Variants in CMTM8 observed in about 807,000 individuals in gnomAD.
The protein encoded by CMTM8 is CKLF-like MARVEL transmembrane domain-containing protein 8.
A neutral mutation model predicts 18.6 loss-of-function variants in CMTM8; 12 were observed. The observed-to-expected ratio is 0.65, with a 90% CI of 0.41 to 1.05. CMTM8 has a LOEUF of 1.05. CMTM8 is among the 50% of genes least tolerant of loss of function. The probability of loss-of-function intolerance (pLI) is 0.00; values close to 1 mark genes in which losing one functional copy is unlikely to be tolerated. For synonymous variants in CMTM8, 87 were observed against 90.6 expected (o/e 0.96, Z 0.23); for missense variants, 217 against 227.2 (o/e 0.95, Z 0.29).
chr3:32,352,554 A>G lies in CMTM8; in HGVS notation c.148-4819A>G, dbSNP rs533779076. Among the ~76,000 whole-genome samples the G allele has an allele frequency of 5.3e-5, 8 of 152,354 alleles. No individual in the cohort carries two copies. The East Asian group carries it at 9.6e-4, about 18-fold the overall frequency. On this transcript the variant is annotated intron_variant, in intron 1 of 3. Coordinates refer to ENST00000307526, the MANE Select transcript of CMTM8 (RefSeq NM_178868.5). ...GAGGAAAGAAGGAACTACCTTCGGT[A>G]TTGCAGATGACTCTCACAGTATTGA...
At chr3:32,322,334 CT>C (rs1406156956) in intron 1 of CMTM8, among the ~76,000 whole-genome samples, 1 of 151,920 alleles carries the variant, frequency 6.6e-6, no homozygotes, top group African/African-American at 2.4e-5. Context: ...TTCAAATATT[CT>C]TTAGTGGTGT....
chr3:32,332,867 C>T (rs1429571608), intron 1 of CMTM8, among the ~76,000 whole-genome samples: 1 of 152,130 alleles, frequency 6.6e-6, no homozygotes, highest in Admixed American at 6.5e-5. Flanking sequence ...GGTTTGTTGC[C>T]TTTTATCCTC....
chr3:32,332,629 C>T (rs1005471354), intron 1 of CMTM8, among the ~76,000 whole-genome samples: 3 of 152,106 alleles, frequency 2.0e-5, no homozygotes, highest in Non-Finnish European at 4.4e-5. Flanking sequence ...GTCCTTAGCA[C>T]GCTCAGCCGC....
chr3:32,339,481 A>C (rs1696451655), intron 1 of CMTM8, among the ~76,000 whole-genome samples: 1 of 152,076 alleles, frequency 6.6e-6, no homozygotes, highest in Non-Finnish European at 1.5e-5. Context: ...ATGGTTTGAA[A>C]TCCTCCCAGG....
chr3:32,258,680 T>C (rs1439476414), intron 1 of CMTM8, among the ~76,000 whole-genome samples: 1 of 152,130 alleles, frequency 6.6e-6, no homozygotes, highest in Non-Finnish European at 1.5e-5. Context: ...TGGCTGATTT[T>C]TTTAATTTTT....
chr3:32,266,681 A>G (rs1343067361), intron 1 of CMTM8, among the ~76,000 whole-genome samples: 1 of 152,204 alleles, frequency 6.6e-6, no homozygotes, highest in African/African-American at 2.4e-5. Context: ...TTTGCAGATG[A>G]CATGATTGTA....
At chr3:32,369,180 G>T (rs2125607168) in intron 3 of CMTM8, among the ~76,000 whole-genome samples, 1 of 152,164 alleles carries the variant, frequency 6.6e-6, no homozygotes, top group African/African-American at 2.4e-5. Flanking sequence ...CGGGGGTGGT[G>T]GCGGGCACCT....
chr3:32,363,122 G>T (rs1006182352), intron 2 of CMTM8, among the ~76,000 whole-genome samples: 1 of 152,312 alleles, frequency 6.6e-6, no homozygotes. Flanking sequence ...TTTGTAAATT[G>T]AGTACAATCA....
chr3:32,326,183 G>A (rs532347224), intron 1 of CMTM8, among the ~76,000 whole-genome samples: 3 of 152,302 alleles, frequency 2.0e-5, no homozygotes, highest in Admixed American at 6.5e-5. Flanking sequence ...ACACTCGATC[G>A]CATGACTGGG....
chr3:32,271,892 CTTG>C (rs1702444398), intron 1 of CMTM8, among the ~76,000 whole-genome samples: 2 of 152,158 alleles, frequency 1.3e-5, no homozygotes, highest in Admixed American at 1.3e-4. Context: ...ATCGTATTTT[CTTG>C]TTGTTTAGTG....
intron 1 of CMTM8, among the ~76,000 whole-genome samples, chr3:32,352,964 A>G (rs747368482): frequency 2.8e-4 from 43 of 152,234 alleles, no homozygotes; most frequent in Middle Eastern, 3.4e-3. Context: ...TACTGATAAC[A>G]GAGTAAACTA....
At chr3:32,282,583 C>A (rs915384294) in intron 1 of CMTM8, among the ~76,000 whole-genome samples, 2 of 152,176 alleles carry the variant, frequency 1.3e-5, no homozygotes, top group Admixed American at 1.3e-4. Flanking sequence ...TTTTATATTG[C>A]CTCTTAGCTG....
At chr3:32,333,815 C>G (rs1696328798) in intron 1 of CMTM8, among the ~76,000 whole-genome samples, 1 of 152,022 alleles carries the variant, frequency 6.6e-6, no homozygotes, top group Non-Finnish European at 1.5e-5. Flanking sequence ...TGTCTAAACC[C>G]ATAGAATGCC....
At chr3:32,292,012 T>G (rs901521558) in intron 1 of CMTM8, among the ~76,000 whole-genome samples, 1 of 152,230 alleles carries the variant, frequency 6.6e-6, no homozygotes, top group Admixed American at 6.5e-5. Flanking sequence ...CTATATCTAC[T>G]TGAACTCTTC....
intron 1 of CMTM8, among the ~76,000 whole-genome samples, chr3:32,349,674 T>G (rs775869559): frequency 3.3e-5 from 5 of 152,128 alleles, no homozygotes; most frequent in Non-Finnish European, 7.3e-5. Context: ...ATACACATCC[T>G]ACAGTGTACA....
chr3:32,310,052 T>A (rs1695790474), intron 1 of CMTM8, among the ~76,000 whole-genome samples: 1 of 152,216 alleles, frequency 6.6e-6, no homozygotes, highest in Non-Finnish European at 1.5e-5. Flanking sequence ...ATTAAGGACA[T>A]CTCAAAATGA....
chr3:32,238,351 C>A, upstream of CMTM8: 1 of 152,546 alleles, frequency 6.6e-6, no homozygotes, highest in East Asian at 1.9e-4. Flanking sequence ...CCCTGGAGGC[C>A]TGGGTTTCCT....
At chr3:32,339,821 G>A (rs1413665564) in intron 1 of CMTM8, among the ~76,000 whole-genome samples, 1 of 152,164 alleles carries the variant, frequency 6.6e-6, no homozygotes, top group Admixed American at 6.5e-5. Context: ...AAATTAGCCA[G>A]GTGATGTGGC....
chr3:32,264,087 G>A, intron 1 of CMTM8, among the ~76,000 whole-genome samples: 1 of 152,148 alleles, frequency 6.6e-6, no homozygotes, highest in Admixed American at 6.5e-5. Context: ...TCAAATTCAG[G>A]AAATACAGAG....
Sources: gnomAD v4.1 joint callset for allele counts (sites outside exome capture counted in the v4.1 genomes callset) on GRCh38, gnomAD v4.1.1 for gene constraint, MANE v1.5 for transcripts, NCBI Gene and HGNC (gene_info 2026-07-23, HGNC 2026-07-21) for gene names.